The following CES5A variants were observed in gnomAD, a reference collection of about 807,000 sequenced individuals.
The protein encoded by CES5A is carboxylesterase 5A, also known as carboxylesterase 5.
CES5A carries 67 observed loss-of-function variants against 62.9 expected under a neutral mutation model. That is an observed-to-expected ratio of 1.07 (90% confidence interval 0.88 to 1.31). The LOEUF is 1.31. Ranked by LOEUF, CES5A falls within the 50% of genes most tolerant of loss-of-function variation. The pLI is 0.00. For missense variants in CES5A, 748 were observed against 708.5 expected (o/e 1.06, Z -0.63); for synonymous variants, 296 against 280.8 (o/e 1.05, Z -0.54).
upstream of CES5A, among the ~76,000 whole-genome samples, chr16:55,876,323 A>G (rs566422052): frequency 6.6e-6 from 1 of 152,338 alleles, no homozygotes; most frequent in South Asian, 2.1e-4. Flanking sequence ...ACCTAGTGCA[A>G]TAAGAAAGAG....
At chr16:55,912,964 CTG>C (rs1413862050) in intron 1 of CES5A, among the ~76,000 whole-genome samples, 1 of 152,236 alleles carries the variant, frequency 6.6e-6, no homozygotes, top group African/African-American at 2.4e-5. Flanking sequence ...CACCTTGTAA[CTG>C]CCCTGGGTTC....
At chr16:55,931,513 C>A (rs1315649870) in intron 2 of CES5A, among the ~76,000 whole-genome samples, 3 of 152,178 alleles carry the variant, frequency 2.0e-5, no homozygotes, top group African/African-American at 4.8e-5. Context: ...TCTGTCTCCA[C>A]CCTATCTCTT....
upstream of CES5A, among the ~76,000 whole-genome samples, chr16:55,879,188 C>A (rs2033735134): frequency 6.7e-6 from 1 of 148,844 alleles, no homozygotes; most frequent in African/African-American, 2.5e-5. Context: ...TCCACCAATG[C>A]TCCCCATTTC....
At chr16:55,940,142 A>G (rs1441923706) in intron 2 of CES5A, among the ~76,000 whole-genome samples, 1 of 152,118 alleles carries the variant, frequency 6.6e-6, no homozygotes, top group Non-Finnish European at 1.5e-5. Flanking sequence ...CTAGAAAAAG[A>G]AGAGTAAAAC....
At chr16:55,893,026 G>A (rs1266725392) in intron 1 of CES5A, among the ~76,000 whole-genome samples, 1 of 152,138 alleles carries the variant, frequency 6.6e-6, no homozygotes, top group Non-Finnish European at 1.5e-5. Context: ...CCGGAAAAAT[G>A]CCAAATACAG....
chr16:55,946,131 G>A (rs1488157446), intron 2 of CES5A, among the ~76,000 whole-genome samples: 2 of 152,216 alleles, frequency 1.3e-5, no homozygotes, highest in Non-Finnish European at 2.9e-5. Context: ...GGGTTAGAAA[G>A]AAGATAAAGT....
At chr16:55,911,525 TCACAA>T (rs2034092812) in intron 1 of CES5A, among the ~76,000 whole-genome samples, 1 of 152,314 alleles carries the variant, frequency 6.6e-6, no homozygotes, top group South Asian at 2.1e-4. Flanking sequence ...TGTTTAATTC[TCACAA>T]CACAACAGAA....
At position 55,872,983 on chromosome 16, in the gene CES5A, C is replaced by A. The variant is rs887289335; in HGVS notation, c.278+850G>T. Reference sequence around the variant, plus strand: ...TATTAGTTGGATGAATGAATGAACGCACAAACAAATGAGTTTCAGCTTGAT... The same window carrying A: ...TATTAGTTGGATGAATGAATGAACGAACAAACAAATGAGTTTCAGCTTGAT... On this transcript the variant is annotated intron_variant, in intron 2 of 12. Transcript: ENST00000290567. Among the ~76,000 whole-genome samples, 7 of 152,272 alleles carry A rather than the reference C, an allele frequency of 4.6e-5. No individual in the cohort carries two copies. The South Asian group carries it at 1.5e-3, about 32-fold the overall frequency.
At chr16:55,878,739 C>G (rs1439502130), upstream of CES5A, among the ~76,000 whole-genome samples, 1 of 150,142 alleles carries the variant, frequency 6.7e-6, no homozygotes, top group African/African-American at 2.5e-5. Context: ...CCACTGCACA[C>G]CACCACTGCA....
chr16:55,954,187 C>T (rs549084182), intron 1 of CES5A, among the ~76,000 whole-genome samples: 106 of 152,266 alleles, frequency 7.0e-4, no homozygotes, highest in Non-Finnish European at 1.3e-3. Context: ...TATTTCCCTT[C>T]CAACAGAACC....
At chr16:55,929,614 C>T (rs774321683), upstream of CES5A, among the ~76,000 whole-genome samples, 8 of 152,196 alleles carry the variant, frequency 5.3e-5, no homozygotes, top group Admixed American at 3.9e-4. Flanking sequence ...AAGATAAATA[C>T]TATTTTCATG....
chr16:55,883,263 G>GT (rs1567339946), intron 1 of CES5A, among the ~76,000 whole-genome samples: 1 of 151,776 alleles, frequency 6.6e-6, no homozygotes, highest in East Asian at 1.9e-4. Flanking sequence ...TCTTTTTTTT[G>GT]TTTTTTGTTT....
At chr16:55,930,162 G>T (rs544321065), upstream of CES5A, among the ~76,000 whole-genome samples, 7 of 152,150 alleles carry the variant, frequency 4.6e-5, no homozygotes, top group African/African-American at 1.7e-4. Flanking sequence ...TACACCAAAT[G>T]TTCCCTGACA....
chr16:55,892,916 A>G (rs1487821234), intron 1 of CES5A, among the ~76,000 whole-genome samples: 1 of 152,188 alleles, frequency 6.6e-6, no homozygotes, highest in Non-Finnish European at 1.5e-5. Flanking sequence ...AAAAATAGGT[A>G]AAAGGATTAG....
chr16:55,893,897 A>G (rs1159033201), intron 1 of CES5A, among the ~76,000 whole-genome samples: 2 of 152,176 alleles, frequency 1.3e-5, no homozygotes, highest in Non-Finnish European at 2.9e-5. Context: ...GATGAATACC[A>G]ATTTAAATAC....
At chr16:55,858,387 T>G (rs1259116330) in intron 8 of CES5A, among the ~76,000 whole-genome samples, 2 of 152,214 alleles carry the variant, frequency 1.3e-5, no homozygotes, top group Non-Finnish European at 2.9e-5. Context: ...TGCTTGGCAC[T>G]GGAAGGCACT....
chr16:55,935,968 G>T (rs1366576573), intron 2 of CES5A, among the ~76,000 whole-genome samples: 1 of 152,176 alleles, frequency 6.6e-6, no homozygotes, highest in Non-Finnish European at 1.5e-5. Context: ...GCACACAAAA[G>T]CTGAAATTTC....
At chr16:55,940,477 A>C (rs1461841466) in intron 2 of CES5A, among the ~76,000 whole-genome samples, 1 of 152,042 alleles carries the variant, frequency 6.6e-6, no homozygotes. Context: ...AAACTCATCC[A>C]AGATGAAATG....
upstream of CES5A, among the ~76,000 whole-genome samples, chr16:55,878,727 C>T (rs2033726177): frequency 6.7e-6 from 1 of 149,242 alleles, no homozygotes; most frequent in African/African-American, 2.5e-5. Context: ...ACTGCACCCC[C>T]ACCACTGCAC....
Sources: gnomAD v4.1 joint callset for allele counts (sites outside exome capture counted in the v4.1 genomes callset) on GRCh38, gnomAD v4.1.1 for gene constraint, MANE v1.5 for transcripts, NCBI Gene and HGNC (gene_info 2026-07-23, HGNC 2026-07-21) for gene names.